Variants in DRAXIN observed in about 807,000 individuals in gnomAD.
DRAXIN encodes dorsal inhibitory axon guidance protein.
Under a neutral mutation model 33.9 loss-of-function variants are expected in DRAXIN, and 27 were observed. That is an observed-to-expected ratio of 0.80 (90% CI 0.59 to 1.10). The LOEUF (loss-of-function observed/expected upper bound fraction) is 1.10, where lower values mean the gene tolerates loss of function less well. DRAXIN is among the 50% of genes least tolerant of loss of function. The pLI is 0.00. For missense variants in DRAXIN, 371 were observed against 460.8 expected, an observed-to-expected ratio of 0.81 and a Z score of 1.78; for synonymous variants, 178 against 194.0, an observed-to-expected ratio of 0.92 and a Z score of 0.69.
intron 3 of DRAXIN, 82 bp downstream of exon 3, chr1:11,709,547 G>T: frequency 6.9e-7 from 1 of 1,443,748 alleles, no homozygotes. Context: ...CATGTAGGGA[G>T]ACTGAGGCAC....
Position 11,722,884 on chromosome 1 carries a change from T to G in DRAXIN, c.*3188T>G, listed in dbSNP as rs1342417230. 1 of 151,628 alleles carries G rather than the reference T, an allele frequency of 6.6e-6. No individual in the cohort carries two copies. Among genetic ancestry groups the G allele is most frequent in the Non-Finnish European group, 1.5e-5 (1 of 67,986 alleles). 9.4% of individuals were successfully genotyped at this position (151,628 alleles called of 1,614,324 possible). On this transcript the variant is annotated 3_prime_UTR_variant, in exon 7 of 7. Transcript: ENST00000294485. ...CTCTGCTGCCCAGGCTGGAATGCAG[T>G]GGCTCAGTCTCAGCTCACTGCAACC...
At chr1:11,707,633 C>T (rs2100737945) in intron 2 of DRAXIN, among the ~76,000 whole-genome samples, 1 of 152,386 alleles carries the variant, frequency 6.6e-6, no homozygotes. Flanking sequence ...GTCCTCCAGC[C>T]TGGACACAGG....
chr1:11,709,826 G>A (rs762530244), intron 3 of DRAXIN, among the ~76,000 whole-genome samples: 2 of 152,208 alleles, frequency 1.3e-5, no homozygotes, highest in African/African-American at 4.8e-5. Context: ...TTTTAAAACT[G>A]TGTCGTCAAG....
rs1435496311 is a variant in DRAXIN, at chr1:11,725,842, C to CT, written c.*6146_*6147insT. The CT allele has an allele frequency of 6.6e-6, 1 of 152,122 alleles. No homozygotes were observed. The highest frequency in any genetic ancestry group is 2.4e-5 in the African/African-American group (1 of 41,386). The allele number at this position is 152,122 out of a possible 1,614,324, so 9.4% of individuals were successfully genotyped here. A position where few individuals can be genotyped will look rare whatever the true frequency, so the allele number is the denominator to read the frequency against. Reference sequence around the variant, plus strand: ...TGCTCTTGAGCTGTAAATAAAGAGACGATGGTTAAAAAGCCCACCTGGTGT... The same window carrying CT: ...TGCTCTTGAGCTGTAAATAAAGAGACTGATGGTTAAAAAGCCCACCTGGTGT... On this transcript the variant is annotated 3_prime_UTR_variant, in exon 7 of 7. Transcript: ENST00000294485.
chr1:11,698,260 T>C (rs1641222648), intron 1 of DRAXIN, among the ~76,000 whole-genome samples: 1 of 152,172 alleles, frequency 6.6e-6, no homozygotes, highest in South Asian at 2.1e-4. Flanking sequence ...TTAGAATCCA[T>C]ACAGTTGTTC....
chr1:11,719,908 G>T lies in DRAXIN; in HGVS notation c.*212G>T. 1 of 549,614 alleles carries T rather than the reference G, an allele frequency of 1.8e-6. No individual in the cohort carries two copies. 34.0% of individuals were successfully genotyped at this position (549,614 alleles called of 1,614,324 possible). On this transcript the variant is annotated 3_prime_UTR_variant, in exon 7 of 7. Transcript: ENST00000294485. Reference sequence around the variant, plus strand: ...GCAGCACCTGCACACACGAAGTCCGGACCCACGCAGCCTCCATCCCGCGTG... The same window carrying T: ...GCAGCACCTGCACACACGAAGTCCGTACCCACGCAGCCTCCATCCCGCGTG...
At position 11,696,024 on chromosome 1, in the gene DRAXIN, G is replaced by A. The variant is rs1641185577; in HGVS notation, c.-11+4171G>A. On this transcript the variant is annotated intron_variant, in intron 1 of 6. Transcript: ENST00000294485. This position sits in a 1 kb window ranked among gnomAD's most constrained non-coding sequence, Gnocchi z 4.7. ...AAAAGCAGATGGAGCTGCCCCTGCA[G>A]GGAAGCCAAACCTCATTTGCCAGGA... Among the ~76,000 whole-genome samples, 1 of 152,210 alleles carries A rather than the reference G, an allele frequency of 6.6e-6. No individual in the cohort carries two copies.
At chr1:11,702,204 TCA>T (rs949677655) in intron 1 of DRAXIN, among the ~76,000 whole-genome samples, 11 of 144,158 alleles carry the variant, frequency 7.6e-5, no homozygotes, top group South Asian at 6.7e-4. Context: ...ACACACATGC[TCA>T]CACACACCCA....
intron 3 of DRAXIN, among the ~76,000 whole-genome samples, chr1:11,709,800 GC>G (rs1353186302): frequency 6.6e-6 from 1 of 152,238 alleles, no homozygotes; most frequent in Non-Finnish European, 1.5e-5. Flanking sequence ...GGAGCATGAA[GC>G]ATAATAATGG....
At position 11,706,952 on chromosome 1, in the gene DRAXIN, G is replaced by A. The variant is rs11121805; in HGVS notation, c.451+243G>A. On this transcript the variant is annotated intron_variant, in intron 2 of 6. Transcript: ENST00000294485. The surrounding 1 kb of genome is among the most constrained non-coding windows in gnomAD (Gnocchi z 5.5). ...ATCGCGGCCCGGTGCCGTGGCTCAC[G>A]CTTGTAATCCCAGCACTTTGGGAGG... is the stretch of plus-strand genomic sequence containing the variant. Among the ~76,000 whole-genome samples the A allele has an allele frequency of 0.074, 11,296 of 152,194 alleles. 1,339 individuals carry two copies. Among genetic ancestry groups the A allele is most frequent in the African/African-American group, 0.25 (10,508 of 41,482 alleles).
intron 6 of DRAXIN, 127 bp downstream of exon 6, chr1:11,715,335 C>CG (rs776443586): frequency 7.8e-6 from 9 of 1,148,118 alleles, no homozygotes; most frequent in Non-Finnish European, 1.1e-5. Context: ...CATGGGCCTG[C>CG]GGCGGGGGTG....
Position 11,711,849 on chromosome 1 carries a change from A to T in DRAXIN, c.643-2A>T, listed in dbSNP as rs140779292. On this transcript the variant is annotated splice_acceptor_variant, in intron 3 of 6. Transcript: ENST00000294485. LOFTEE classifies it high-confidence loss of function. ...AACATCCCCCTTCTCCACGGTCTCC[A>T]GCAGGCACAGCCCAGGTCTGACGGG... 1.1e-4 allele frequency: 185 copies of T among 1,611,856 alleles called. No individual in the cohort carries two copies. The African/African-American group carries it at 2.2e-3, about 19-fold the overall frequency.
intron 3 of DRAXIN, among the ~76,000 whole-genome samples, chr1:11,710,010 C>T (rs1641451335): frequency 6.6e-6 from 1 of 152,024 alleles, no homozygotes; most frequent in East Asian, 1.9e-4. Flanking sequence ...CATAGTGAAA[C>T]CCCATCTCTA....
chr1:11,697,013 G>T (rs113177237), intron 1 of DRAXIN, among the ~76,000 whole-genome samples: 4 of 150,884 alleles, frequency 2.7e-5, no homozygotes, highest in Non-Finnish European at 4.4e-5. Context: ...TCCAGCCTGG[G>T]CAACAGAACG....
intron 1 of DRAXIN, among the ~76,000 whole-genome samples, chr1:11,703,758 T>G (rs1641337273): frequency 6.6e-6 from 1 of 152,010 alleles, no homozygotes; most frequent in African/African-American, 2.4e-5. Flanking sequence ...TGATATGTGG[T>G]TCTTGAAGGG....
rs998246 is a variant in DRAXIN at position 11,715,714 on chromosome 1, G to A, written c.937+506G>A. 9.2e-5 allele frequency among the ~76,000 whole-genome samples: 14 copies of A among 152,262 alleles called. 3 individuals are homozygous for A. Among genetic ancestry groups the A allele is most frequent in the South Asian group, 4.1e-4 (2 of 4,824 alleles). On this transcript the variant is annotated intron_variant, in intron 6 of 6. Coordinates refer to ENST00000294485, the MANE Select transcript of DRAXIN (RefSeq NM_198545.4). Reference sequence around the variant, plus strand: ...CTCCGTGCCCCCACCTCGCCTAAGTGTGCTGGGCTCTGTGCTGAGCACTTT... The same window carrying A: ...CTCCGTGCCCCCACCTCGCCTAAGTATGCTGGGCTCTGTGCTGAGCACTTT...
chr1:11,697,119 C>T (rs542381072), intron 1 of DRAXIN, among the ~76,000 whole-genome samples: 4 of 152,212 alleles, frequency 2.6e-5, no homozygotes, highest in African/African-American at 9.6e-5. Flanking sequence ...AAACTGGGGC[C>T]CAGAGAGGTT....
rs976798235 is a variant in DRAXIN at position 11,721,322 on chromosome 1, G to A, written c.*1626G>A. The A allele has an allele frequency of 6.6e-6, 1 of 152,172 alleles. No homozygotes were observed. The highest frequency in any genetic ancestry group is 1.5e-5 in the Non-Finnish European group (1 of 68,044). 9.4% of individuals were successfully genotyped at this position (152,172 alleles called of 1,614,324 possible). Reference sequence around the variant, plus strand: ...GCCCCTAACAGGCCAGACTCACAATGCCCACCCAGGACATCTGTCCCAGCA... The same window carrying A: ...GCCCCTAACAGGCCAGACTCACAATACCCACCCAGGACATCTGTCCCAGCA... On this transcript the variant is annotated 3_prime_UTR_variant, in exon 7 of 7. Transcript: ENST00000294485.
chr1:11,701,195 C>T (rs1534991), intron 1 of DRAXIN, among the ~76,000 whole-genome samples: 106,258 of 152,028 alleles, frequency 0.7, 37,487 homozygotes, highest in East Asian at 0.88. Context: ...AGATGCCTCT[C>T]ACCGCGAGGA....
Sources: allele counts gnomAD v4.1 joint callset (sites outside exome capture counted in the v4.1 genomes callset), GRCh38; gene constraint gnomAD v4.1.1; non-coding constraint Gnocchi (gnomAD v3.1); transcripts MANE v1.5; gene names NCBI Gene and HGNC (gene_info 2026-07-23, HGNC 2026-07-21).